Variants in FARS2 observed in about 807,000 individuals in gnomAD.
The protein encoded by FARS2 is phenylalanine--tRNA ligase, mitochondrial.
In FARS2, 40 loss-of-function variants were observed where a neutral mutation model predicts 46.4. That is an observed-to-expected ratio of 0.86 (90% CI 0.67 to 1.12). FARS2 has a LOEUF of 1.12. FARS2 is among the 50% of genes most tolerant of loss of function. The pLI, the probability that FARS2 is intolerant of heterozygous loss-of-function variation, is 0.00. For missense variants in FARS2, 513 were observed against 567.9 expected (o/e 0.90, Z 0.98); for synonymous variants, 234 against 214.9 (o/e 1.09, Z -0.78).
intron 6 of FARS2, among the ~76,000 whole-genome samples, chr6:5,651,400 C>T (rs1032023407): frequency 4.6e-5 from 7 of 152,214 alleles, no homozygotes; most frequent in African/African-American, 1.4e-4. Flanking sequence ...GACCACTCTG[C>T]CAATCACCAA....
At chr6:5,265,627 C>T (rs1400262558) in intron 1 of FARS2, among the ~76,000 whole-genome samples, 2 of 152,200 alleles carry the variant, frequency 1.3e-5, no homozygotes, top group East Asian at 3.8e-4. Context: ...ATTTAAGTTA[C>T]TGTTGTTGTG....
intron 5 of FARS2, among the ~76,000 whole-genome samples, chr6:5,566,595 C>T (rs1179293203): frequency 6.6e-6 from 1 of 152,038 alleles, no homozygotes. Context: ...AGTGGTAAGA[C>T]ACAAAATGGA....
chr6:5,358,779 T>C (rs1399028508), intron 1 of FARS2, among the ~76,000 whole-genome samples: 1 of 152,162 alleles, frequency 6.6e-6, no homozygotes, highest in Admixed American at 6.5e-5. Flanking sequence ...TTTTAACCTT[T>C]TGACTTAGGA....
At chr6:5,507,274 C>A (rs1055512035) in intron 4 of FARS2, among the ~76,000 whole-genome samples, 7 of 152,176 alleles carry the variant, frequency 4.6e-5, no homozygotes, top group African/African-American at 1.7e-4. Context: ...ACACTGGTAA[C>A]ATTTACTTAG....
chr6:5,751,704 C>T lies in FARS2; in HGVS notation c.1218-19587C>T, dbSNP rs143094282. ...TGCACAGGAAGACAGGTCCTCCCCA[C>T]GCCCTTGTTCTATGGCTCTGATTCC... On this transcript the variant is annotated intron_variant, in intron 6 of 6. Transcript: ENST00000274680. Among the ~76,000 whole-genome samples the T allele has an allele frequency of 3.5e-3, 534 of 152,326 alleles. 5 individuals carry two copies. The highest frequency in any genetic ancestry group is 0.012 in the African/African-American group (496 of 41,574).
chr6:5,280,459 A>G (rs577900799), intron 1 of FARS2, among the ~76,000 whole-genome samples: 2 of 152,186 alleles, frequency 1.3e-5, no homozygotes, highest in African/African-American at 2.4e-5. Context: ...ACTGTTGTCT[A>G]ACTTCGCCAT....
intron 6 of FARS2, among the ~76,000 whole-genome samples, chr6:5,620,116 C>G (rs1432711043): frequency 6.6e-6 from 1 of 151,940 alleles, no homozygotes; most frequent in East Asian, 1.9e-4. Flanking sequence ...GGCCTGGTAA[C>G]TCTTTGTCCT....
intron 1 of FARS2, among the ~76,000 whole-genome samples, chr6:5,272,815 T>C (rs1196246408): frequency 1.3e-5 from 2 of 152,212 alleles, no homozygotes; most frequent in Admixed American, 1.3e-4. Flanking sequence ...CCTCCTGCCC[T>C]GTACCCTTCT....
the FARS2 span, among the ~76,000 whole-genome samples, chr6:5,253,004 G>A: frequency 6.6e-6 from 1 of 152,190 alleles, no homozygotes; most frequent in Non-Finnish European, 1.5e-5. Context: ...TGGCACTTAG[G>A]AGACCAGCTC....
intron 4 of FARS2, among the ~76,000 whole-genome samples, chr6:5,481,923 A>G (rs1184807524): frequency 2.0e-5 from 3 of 152,128 alleles, no homozygotes; most frequent in African/African-American, 7.2e-5. Context: ...ATCTGTGGAT[A>G]TGCTTGAGGA....
chr6:5,491,218 T>C (rs1767086378), intron 4 of FARS2, among the ~76,000 whole-genome samples: 1 of 152,242 alleles, frequency 6.6e-6, no homozygotes. Context: ...TGGCTATTTG[T>C]GTATCTTCTC....
intron 2 of FARS2, among the ~76,000 whole-genome samples, chr6:5,392,788 A>G (rs1258404682): frequency 2.8e-5 from 4 of 143,922 alleles, no homozygotes; most frequent in Admixed American, 6.9e-5. Flanking sequence ...ATATGTGTGT[A>G]TATATACATA....
chr6:5,640,395 C>G (rs150987214), intron 6 of FARS2, among the ~76,000 whole-genome samples: 2,302 of 152,292 alleles, frequency 0.015, 29 homozygotes, highest in South Asian at 0.033. Context: ...ACGGCAAACA[C>G]GGAAGCTAAA....
chr6:5,524,735 C>T (rs1405491988), intron 4 of FARS2, among the ~76,000 whole-genome samples: 2 of 152,194 alleles, frequency 1.3e-5, no homozygotes, highest in African/African-American at 4.8e-5. Context: ...GATTCAATAA[C>T]TTGTCCAAGA....
intron 4 of FARS2, among the ~76,000 whole-genome samples, chr6:5,448,514 C>T (rs116364368): frequency 4.7e-5 from 7 of 149,580 alleles, no homozygotes; most frequent in African/African-American, 9.9e-5. Flanking sequence ...GATGTTTGCA[C>T]GTTAGAAAGC....
chr6:5,322,657 G>T (rs1463875984), intron 1 of FARS2, among the ~76,000 whole-genome samples: 2 of 152,180 alleles, frequency 1.3e-5, no homozygotes, highest in Admixed American at 6.5e-5. Context: ...GGGACCCTTG[G>T]TGTTCTGGTG....
intron 6 of FARS2, among the ~76,000 whole-genome samples, chr6:5,628,048 G>A (rs557772126): frequency 3.3e-5 from 5 of 152,308 alleles, no homozygotes; most frequent in African/African-American, 1.2e-4. Context: ...TTTTAACGAG[G>A]TTGGTCATAT....
chr6:5,262,620 G>T (rs1414012238), intron 1 of FARS2, among the ~76,000 whole-genome samples: 1 of 152,092 alleles, frequency 6.6e-6, no homozygotes, highest in Non-Finnish European at 1.5e-5. Context: ...ACACTTCTCT[G>T]ACCTTACCAT....
chr6:5,426,806 A>G (rs1382198162), intron 3 of FARS2, among the ~76,000 whole-genome samples: 1 of 152,082 alleles, frequency 6.6e-6, no homozygotes, highest in Non-Finnish European at 1.5e-5. Context: ...TTGTATTTTT[A>G]GTAGAGATGG....
Sources: gnomAD v4.1 joint callset for allele counts (sites outside exome capture counted in the v4.1 genomes callset) on GRCh38, gnomAD v4.1.1 for gene constraint, MANE v1.5 for transcripts, NCBI Gene and HGNC (gene_info 2026-07-23, HGNC 2026-07-21) for gene names.